Variants in ABCC5 observed in about 807,000 individuals in gnomAD.
The protein encoded by ABCC5 is ATP binding cassette subfamily C member 5.
In ABCC5, 61 loss-of-function variants were observed where a neutral mutation model predicts 160.9. The observed-to-expected ratio is 0.38, with a 90% CI of 0.31 to 0.47. The LOEUF (loss-of-function observed/expected upper bound fraction) is 0.47, where lower values mean the gene tolerates loss of function less well. Among genes scored for constraint, ABCC5 ranks in the 20% least tolerant of loss-of-function variants. The pLI, the probability that ABCC5 is intolerant of heterozygous loss-of-function variation, is 0.99. For synonymous variants in ABCC5, 666 were observed against 700.6 expected, an observed-to-expected ratio of 0.95 and a Z score of 0.78; for missense variants, 1,308 against 1,813.3, an observed-to-expected ratio of 0.72 and a Z score of 5.06.
In ABCC5 at chr3:183,955,674, GTA is replaced by G. The variant is rs1185703820; in HGVS notation, c.2483-2406_2483-2405del. Among the ~76,000 whole-genome samples, 3 of 145,740 alleles carry G rather than the reference GTA, an allele frequency of 2.1e-5. No homozygotes were observed. In the Admixed American group the frequency reaches 2.1e-4, roughly 10 times the overall value. Reference sequence around the variant, plus strand: ...TCACATCGGTTACATGCAGATCTGTGTATATATCACATCGGTTACATGCAGAT... The same window carrying G: ...TCACATCGGTTACATGCAGATCTGTGTATATCACATCGGTTACATGCAGAT... On this transcript the variant is annotated intron_variant, in intron 17 of 29. Transcript: ENST00000334444.
chr3:183,931,280 G>A (rs769288681), intron 26 of ABCC5, among the ~76,000 whole-genome samples: 8 of 151,890 alleles, frequency 5.3e-5, no homozygotes, highest in African/African-American at 1.2e-4. Flanking sequence ...CTGAGTAGCC[G>A]GCCCTATCAG....
intron 5 of ABCC5, chr3:183,986,626 A>G (rs1426694833): frequency 6.6e-6 from 1 of 152,208 alleles, no homozygotes; most frequent in African/African-American, 2.4e-5. Flanking sequence ...AAAGCCCATG[A>G]TCACTTTATT....
chr3:183,984,977 T>A, intron 5 of ABCC5: 1 of 1,190,102 alleles, frequency 8.4e-7, no homozygotes, highest in Non-Finnish European at 1.2e-6. Context: ...GGTAATAGCA[T>A]CAGCGCCTCC....
chr3:183,978,796 A>G, intron 8 of ABCC5, 145 bp from the exon 9 acceptor site: 1 of 871,840 alleles, frequency 1.1e-6, no homozygotes, highest in Non-Finnish European at 1.7e-6. Flanking sequence ...GCTGGTATAA[A>G]AGGCTGAGGT....
chr3:184,006,300 G>GAAAAAAA (rs34764294), intron 2 of ABCC5: 1 of 114,610 alleles, frequency 8.7e-6, no homozygotes, highest in Non-Finnish European at 1.9e-5. Flanking sequence ...AGGGAGAGAA[G>GAAAAAAA]AAAAAAAAAA....
Position 183,988,829 on chromosome 3 carries a change from C to A in ABCC5, c.288-102G>T. On this transcript the variant is annotated intron_variant, in intron 3 of 29. Coordinates refer to ENST00000334444, the MANE Select transcript of ABCC5 (RefSeq NM_005688.4). The surrounding 1 kb of genome is among the most constrained non-coding windows in gnomAD (Gnocchi z 4.4). Reference sequence around the variant, plus strand: ...AGTGAACACAGCTCTTAGCTAAAGACCAGTCTCCCCAGATGATCTAATCTT... The same window carrying A: ...AGTGAACACAGCTCTTAGCTAAAGAACAGTCTCCCCAGATGATCTAATCTT... 7.7e-7 allele frequency: 1 copy of A among 1,293,284 alleles called. No individual in the cohort carries two copies. The highest frequency in any genetic ancestry group is 1.5e-5 in the South Asian group (1 of 68,014). The allele number at this position is 1,293,284 out of a possible 1,614,324, so 80.1% of individuals were successfully genotyped here.
chr3:183,934,274 C>T (rs1382494791), intron 26 of ABCC5, among the ~76,000 whole-genome samples: 1 of 152,214 alleles, frequency 6.6e-6, no homozygotes, highest in Non-Finnish European at 1.5e-5. Context: ...GCCTGGGCAA[C>T]AGAGCGAGAC....
intron 2 of ABCC5, among the ~76,000 whole-genome samples, chr3:184,007,450 A>G (rs1310217680): frequency 2.6e-5 from 4 of 152,172 alleles, no homozygotes; most frequent in Admixed American, 2.6e-4. Context: ...AAGCTCATAA[A>G]AGCATCTGAC....
intron 16 of ABCC5, among the ~76,000 whole-genome samples, chr3:183,960,653 T>C (rs565390492): frequency 1.4e-4 from 21 of 152,332 alleles, no homozygotes; most frequent in African/African-American, 4.3e-4. Flanking sequence ...GTCTCTCACA[T>C]GGTTACAACC....
chr3:184,016,141 A>G (rs1231511055), intron 1 of ABCC5, among the ~76,000 whole-genome samples: 1 of 152,228 alleles, frequency 6.6e-6, no homozygotes, highest in African/African-American at 2.4e-5. Context: ...TCAGTGGAGC[A>G]CAGGAGCAGA....
At chr3:183,981,524 AATTTCCTC>A (rs1286728097) in intron 8 of ABCC5, among the ~76,000 whole-genome samples, 195 bp downstream of exon 8, 2 of 152,190 alleles carry the variant, frequency 1.3e-5, no homozygotes, top group African/African-American at 4.8e-5. Context: ...CCCAGGTCTC[AATTTCCTC>A]ATCAGTGAGA....
At chr3:183,968,498 G>A (rs184405566) in intron 11 of ABCC5, among the ~76,000 whole-genome samples, 119 of 151,880 alleles carry the variant, frequency 7.8e-4, no homozygotes, top group African/African-American at 2.7e-3. Flanking sequence ...TTTTCTCCAG[G>A]GTGTATACAT....
intron 29 of ABCC5, among the ~76,000 whole-genome samples, chr3:183,922,885 A>C (rs923184033): frequency 6.8e-6 from 1 of 146,936 alleles, no homozygotes; most frequent in Non-Finnish European, 1.5e-5. Flanking sequence ...ATCCTGTACC[A>C]GCAGGGGAAG....
intron 12 of ABCC5, 152 bp from the exon 13 acceptor site, chr3:183,965,653 A>G: frequency 1.0e-6 from 1 of 997,682 alleles, no homozygotes; most frequent in East Asian, 2.6e-5. Flanking sequence ...AATTCCAAAG[A>G]GAGCTAAGCA....
intron 18 of ABCC5, among the ~76,000 whole-genome samples, chr3:183,952,541 C>T (rs1023100513): frequency 1.3e-5 from 2 of 152,090 alleles, no homozygotes; most frequent in Admixed American, 6.6e-5. Context: ...AGGAAGGGAC[C>T]CGGTGGGAGG....
chr3:183,933,146 T>A (rs1312803043), intron 26 of ABCC5, among the ~76,000 whole-genome samples: 4 of 122,540 alleles, frequency 3.3e-5, no homozygotes, highest in Non-Finnish European at 6.3e-5. Context: ...CCAACCCAGG[T>A]GACAAAGCGA....
intron 2 of ABCC5, among the ~76,000 whole-genome samples, chr3:184,003,010 TTCCTC>T (rs1560051716): frequency 6.6e-6 from 1 of 152,064 alleles, no homozygotes; most frequent in Non-Finnish European, 1.5e-5. Flanking sequence ...CAACACTGTC[TTCCTC>T]TCCTCTCCTC....
At chr3:183,983,107 G>A in intron 5 of ABCC5, 100 bp from the exon 6 acceptor site, 1 of 1,153,674 alleles carries the variant, frequency 8.7e-7, no homozygotes, top group Non-Finnish European at 1.3e-6. Flanking sequence ...GCTCCACTCA[G>A]GGACCAGTGC....
At chr3:183,941,972 C>CAA (rs202190698) in intron 25 of ABCC5, among the ~76,000 whole-genome samples, 46 of 138,470 alleles carry the variant, frequency 3.3e-4, no homozygotes, top group African/African-American at 1.2e-3. Flanking sequence ...GACTTTGTCT[C>CAA]AAAAAAAAAA....
Sources: gnomAD v4.1 joint callset for allele counts (sites outside exome capture counted in the v4.1 genomes callset) on GRCh38, gnomAD v4.1.1 for gene constraint, Gnocchi (gnomAD v3.1) non-coding constraint, MANE v1.5 for transcripts, NCBI Gene and HGNC (gene_info 2026-07-23, HGNC 2026-07-21) for gene names.